MTNR1A: variants seen among roughly 807,000 people sequenced by gnomAD.
MTNR1A encodes the protein melatonin receptor type 1A.
Under a neutral mutation model 5.5 loss-of-function variants are expected in MTNR1A, and 7 were observed. That is an observed-to-expected ratio of 1.28 (90% CI 0.73 to 2.40). The LOEUF (loss-of-function observed/expected upper bound fraction) is 2.40. Among genes scored for constraint, MTNR1A ranks in the 30% most tolerant of loss-of-function variants. The pLI, the probability that MTNR1A is intolerant of heterozygous loss-of-function variation, is 0.00. For missense variants in MTNR1A, 441 were observed against 464.4 expected (o/e 0.95, Z 0.46); for synonymous variants, 196 against 202.7 (o/e 0.97, Z 0.28).
At chr4:186,542,969 T>C (rs190923093) in intron 1 of MTNR1A, among the ~76,000 whole-genome samples, 5 of 152,256 alleles carry the variant, frequency 3.3e-5, no homozygotes, top group African/African-American at 9.6e-5. Context: ...GGTGCATGTC[T>C]GTATTCCCAG....
chr4:186,535,283 A>C (rs1182667849), intron 1 of MTNR1A, among the ~76,000 whole-genome samples: 1 of 152,202 alleles, frequency 6.6e-6, no homozygotes, highest in Non-Finnish European at 1.5e-5. Flanking sequence ...CCAAAGGAAA[A>C]TGCAGAAATT....
At chr4:186,545,578 T>G (rs1307050308) in intron 1 of MTNR1A, among the ~76,000 whole-genome samples, 1 of 152,158 alleles carries the variant, frequency 6.6e-6, no homozygotes, top group Non-Finnish European at 1.5e-5. Flanking sequence ...TTGCTCTTCC[T>G]GCTCATATCC....
chr4:186,547,622 C>T (rs1252454166), intron 1 of MTNR1A, among the ~76,000 whole-genome samples: 9 of 152,210 alleles, frequency 5.9e-5, no homozygotes, highest in Non-Finnish European at 1.3e-4. Context: ...CTCTCTCTAT[C>T]CCACTCTGTC....
In MTNR1A at chr4:186,553,975, G is replaced by T. The variant is rs573739963; in HGVS notation, c.184+1207C>A. ...TGCAGCCCCAGTTTCTCCTCTGTAAGGCGAGTTGACCACGGCGCCACAGCA... is the reference window on the plus strand; with the variant it reads ...TGCAGCCCCAGTTTCTCCTCTGTAATGCGAGTTGACCACGGCGCCACAGCA... On this transcript the variant is annotated intron_variant, in intron 1 of 1. Transcript: ENST00000307161. 9.9e-5 allele frequency among the ~76,000 whole-genome samples: 15 copies of T among 152,270 alleles called. No homozygotes were observed. In the East Asian group the frequency reaches 2.9e-3, roughly 29 times the overall value.
At chr4:186,542,646 T>C (rs1737051751) in intron 1 of MTNR1A, among the ~76,000 whole-genome samples, 1 of 152,178 alleles carries the variant, frequency 6.6e-6, no homozygotes, top group Non-Finnish European at 1.5e-5. Flanking sequence ...CCAGGATTCA[T>C]GGATCAGAAA....
In MTNR1A at chr4:186,555,301, C is replaced by T. The variant is rs567302325; in HGVS notation, c.65G>A (p.Arg22Gln). Residue 22 changes from arginine to glutamine, a missense_variant, in exon 1 of 2, where the codon CGG (arginine) becomes CAG (glutamine). Transcript: ENST00000307161. This position sits in a 1 kb window ranked among gnomAD's most constrained non-coding sequence, Gnocchi z 4.1. ...SQPVLRGDGA[R>Q]PSWLASALAC... is the part of the protein sequence containing the mutation. ...CAGGGCGGACGCCAGCCACGAGGGC[C>T]GCGCGCCGTCCCCGCGGAGCACGGG... 3 of 1,547,930 alleles carry T rather than the reference C, an allele frequency of 1.9e-6. No homozygotes were observed. The highest frequency in any genetic ancestry group is 2.6e-6 in the Non-Finnish European group (3 of 1,146,432).
At chr4:186,540,608 GTCTGAAGGACCAGGTGCTGTCTA>G (rs1377975805) in intron 1 of MTNR1A, among the ~76,000 whole-genome samples, 3 of 152,256 alleles carry the variant, frequency 2.0e-5, no homozygotes, top group African/African-American at 7.2e-5. Context: ...TCTGAAAGCT[GTCTGAAGGACCAGGTGCTGTCTA>G]TCTGAAGGAC....
chr4:186,553,223 T>C (rs913699671), intron 1 of MTNR1A, among the ~76,000 whole-genome samples: 2 of 152,250 alleles, frequency 1.3e-5, no homozygotes, highest in East Asian at 1.9e-4. Flanking sequence ...CCAAAACTTA[T>C]ATTTGAATCA....
chr4:186,539,088 G>A (rs35383487), intron 1 of MTNR1A, among the ~76,000 whole-genome samples: 28,323 of 151,532 alleles, frequency 0.19, 3,335 homozygotes, highest in East Asian at 0.57. Context: ...GTGGTGGTGC[G>A]CACCTGTAGT....
intron 1 of MTNR1A, among the ~76,000 whole-genome samples, chr4:186,544,246 C>G (rs1490995204): frequency 2.0e-5 from 3 of 152,184 alleles, no homozygotes; most frequent in Non-Finnish European, 2.9e-5. Flanking sequence ...GTCTCGATCT[C>G]TTGACCTCAT....
In MTNR1A at chr4:186,555,353, C is replaced by A. The variant is rs769309186; in HGVS notation, c.13G>T (p.Gly5Cys). 8.4e-6 allele frequency: 13 copies of A among 1,539,390 alleles called. No individual in the cohort carries two copies. The highest frequency in any genetic ancestry group is 1.1e-5 in the Non-Finnish European group (13 of 1,142,176). ...TGGGAGGCGTTGGGCAGCGCGCTGC[C>A]GTTGCCCTGCATGGTCCCTGTGCGC... MQGNGSALPNASQPV... is the reference protein window; with the variant it reads MQGNCSALPNASQPV... Residue 5 changes from glycine (G) to cysteine (C), a missense_variant, in exon 1 of 2, where the codon GGC (glycine) becomes TGC (cysteine). By Grantham distance (159) the Gly-to-Cys change is radical. Coordinates refer to ENST00000307161, the MANE Select transcript of MTNR1A (RefSeq NM_005958.4). The surrounding 1 kb of genome is among the most constrained non-coding windows in gnomAD (Gnocchi z 4.1).
chr4:186,533,970 C>T lies in MTNR1A; in HGVS notation c.772G>A (p.Gly258Ser). 1 of 1,614,070 alleles carries T rather than the reference C, an allele frequency of 6.2e-7. No homozygotes were observed. Among genetic ancestry groups the T allele is most frequent in the Non-Finnish European group, 8.5e-7 (1 of 1,180,012 alleles). Residue 258 changes from glycine (G) to serine (S), a missense_variant, in exon 2 of 2, where the codon GGC becomes AGC. By Grantham distance (56) the Gly-to-Ser change is moderately conservative (BLOSUM62 0). Transcript: ENST00000307161. Reference sequence around the variant, plus strand: ...GCGGGGTCAGAGGCCACGGCCAGGCCAATGAAGTTCAGAGGAGCCCAGCAA... The same window carrying T: ...GCGGGGTCAGAGGCCACGGCCAGGCTAATGAAGTTCAGAGGAGCCCAGCAA... ...AICWAPLNFI[G>S]LAVASDPASM...
At chr4:186,552,660 C>T (rs547128424) in intron 1 of MTNR1A, among the ~76,000 whole-genome samples, 1 of 152,296 alleles carries the variant, frequency 6.6e-6, no homozygotes, top group East Asian at 1.9e-4. Context: ...CATTGCAACA[C>T]TCTTATGAGG....
intron 1 of MTNR1A, among the ~76,000 whole-genome samples, chr4:186,535,041 A>C (rs898285630): frequency 2.0e-5 from 3 of 152,102 alleles, no homozygotes; most frequent in Non-Finnish European, 4.4e-5. Context: ...GGCAAGAGGG[A>C]TCTGTCGTCA....
Position 186,533,969 on chromosome 4 carries a change from C to A in MTNR1A, c.773G>T (p.Gly258Val). 5.0e-6 allele frequency: 8 copies of A among 1,614,056 alleles called. No individual in the cohort carries two copies. Among genetic ancestry groups the A allele is most frequent in the Non-Finnish European group, 6.8e-6 (8 of 1,180,026 alleles). ...AICWAPLNFIGLAVASDPASM... is the reference protein window; with the variant it reads ...AICWAPLNFIVLAVASDPASM... The stretch of plus-strand genomic sequence containing the variant: ...GGCGGGGTCAGAGGCCACGGCCAGG[C>A]CAATGAAGTTCAGAGGAGCCCAGCA... The change falls in exon 2 of 2, where the codon GGC becomes GTC. Residue 258 changes from glycine (G) to valine (V), a missense_variant. Transcript: ENST00000307161.
rs758565411 is a variant in MTNR1A, at chr4:186,534,384, C to CG, written c.357dup (p.Gly120ArgfsTer105). 4 of 1,613,870 alleles carry CG rather than the reference C, an allele frequency of 2.5e-6. No homozygotes were observed. The highest frequency in any genetic ancestry group is 1.7e-5 in the Admixed American group (1 of 59,976). On this transcript the variant is annotated frameshift_variant, in exon 2 of 2. Coordinates refer to ENST00000307161, the MANE Select transcript of MTNR1A (RefSeq NM_005958.4). LOFTEE classifies it low-confidence loss of function (END_TRUNC). ...TAGCAGTAGCGGTTGATGGCGATGC[C>CG]GGTGATGTTGAATATGGAGCCGATG... is the stretch of plus-strand genomic sequence containing the variant.
chr4:186,548,078 A>G (rs1338767265), intron 1 of MTNR1A, among the ~76,000 whole-genome samples: 1 of 152,122 alleles, frequency 6.6e-6, no homozygotes, highest in African/African-American at 2.4e-5. Context: ...CAAAAACAAA[A>G]TCATAATCCT....
At position 186,555,204 on chromosome 4, in the gene MTNR1A, C is replaced by G. The variant is rs1399939925; in HGVS notation, c.162G>C (p.Arg54=). 3 of 1,595,070 alleles carry G rather than the reference C, an allele frequency of 1.9e-6. No homozygotes were observed. The African/African-American group carries it at 4.0e-5, about 21-fold the overall frequency. Residue 54 remains arginine, a synonymous_variant, in exon 1 of 2, where the codon CGG becomes CGC. Coordinates refer to ENST00000307161, the MANE Select transcript of MTNR1A (RefSeq NM_005958.4). The surrounding 1 kb of genome is among the most constrained non-coding windows in gnomAD (Gnocchi z 4.1). Reference sequence around the variant, plus strand: ...TACCTGCGTTCCTGAGCTTCTTGTTCCGATACACCGACAGGATGACCAGGA... The same window carrying G: ...TACCTGCGTTCCTGAGCTTCTTGTTGCGATACACCGACAGGATGACCAGGA... The part of the protein sequence containing the change: ...GNLLVILSVY[R]NKKLRNAGNI...
In MTNR1A at chr4:186,533,898, A is replaced by G. The variant is rs1005825941; in HGVS notation, c.844T>C (p.Tyr282His). 2.5e-6 allele frequency: 4 copies of G among 1,614,158 alleles called. No individual in the cohort carries two copies. Among genetic ancestry groups the G allele is most frequent in the Non-Finnish European group, 3.4e-6 (4 of 1,180,010 alleles). The part of the protein sequence containing the change: ...IPEWLFVASY[Y>H]MAYFNSCLNA... ...AGGCAGCTGTTGAAATACGCCATGT[A>G]GTAACTGGCCACAAACAGCCACTCT... Residue 282 changes from tyrosine to histidine, a missense_variant, in exon 2 of 2, where the codon TAC becomes CAC. Transcript: ENST00000307161.
Sources: gnomAD v4.1 joint callset for allele counts (sites outside exome capture counted in the v4.1 genomes callset) on GRCh38, gnomAD v4.1.1 for gene constraint, Gnocchi (gnomAD v3.1) non-coding constraint, MANE v1.5 for transcripts, NCBI Gene and HGNC (gene_info 2026-07-23, HGNC 2026-07-21) for gene names.